The following ME3 variants were observed in gnomAD, a reference collection of about 807,000 sequenced individuals.
ME3 encodes NADP-dependent malic enzyme, mitochondrial.
A neutral mutation model predicts 68.9 loss-of-function variants in ME3; 48 were observed. That is an observed-to-expected ratio of 0.70 (90% CI 0.55 to 0.89). ME3 has a LOEUF of 0.89. Ranked by LOEUF, ME3 falls within the 40% of genes least tolerant of loss-of-function variation. ME3 has a pLI of 0.00. For synonymous variants in ME3, 320 were observed against 318.8 expected, an observed-to-expected ratio of 1.00 and a Z score of -0.04; for missense variants, 675 against 797.4, an observed-to-expected ratio of 0.85 and a Z score of 1.85.
chr11:86,671,450 C>G lies in ME3; in HGVS notation c.183+312G>C, dbSNP rs189016830. Among the ~76,000 whole-genome samples the G allele has an allele frequency of 2.6e-4, 39 of 152,274 alleles. No individual in the cohort carries two copies. The East Asian group carries it at 7.5e-3, about 29-fold the overall frequency. The stretch of plus-strand genomic sequence containing the variant: ...GTAGGTTAAATGAACTGCCCAAGAC[C>G]AATAAAATTAGTAAGCATCAAGGGG... On this transcript the variant is annotated intron_variant, in intron 2 of 14. Transcript: ENST00000543262.
intron 2 of ME3, among the ~76,000 whole-genome samples, chr11:86,645,957 C>T (rs192993463): frequency 2.4e-4 from 37 of 152,260 alleles, no homozygotes; most frequent in Middle Eastern, 6.8e-3. Flanking sequence ...TGCAGAAGAG[C>T]GACCTGACTG....
At chr11:86,570,906 G>A (rs959266018) in intron 2 of ME3, among the ~76,000 whole-genome samples, 1 of 152,194 alleles carries the variant, frequency 6.6e-6, no homozygotes, top group Non-Finnish European at 1.5e-5. Context: ...CAAAAGTTCT[G>A]CATTCAGTTC....
chr11:86,670,428 C>T (rs1361836628), intron 2 of ME3, among the ~76,000 whole-genome samples: 2 of 152,202 alleles, frequency 1.3e-5, no homozygotes, highest in Non-Finnish European at 2.9e-5. Context: ...TGCAACCCTT[C>T]CTCTAGATTC....
intron 4 of ME3, among the ~76,000 whole-genome samples, chr11:86,552,267 G>GGCCAA (rs1296062069): frequency 2.0e-5 from 3 of 152,204 alleles, no homozygotes; most frequent in Non-Finnish European, 4.4e-5. Flanking sequence ...TGAGATTCAA[G>GGCCAA]GCCAAGCCTG....
At chr11:86,582,658 A>G (rs960769376) in intron 2 of ME3, among the ~76,000 whole-genome samples, 1 of 152,186 alleles carries the variant, frequency 6.6e-6, no homozygotes, top group Non-Finnish European at 1.5e-5. Context: ...CTGCTACTTA[A>G]TGTAATTATC....
At chr11:86,503,690 A>G (rs545431002) in intron 5 of ME3, among the ~76,000 whole-genome samples, 2 of 152,368 alleles carry the variant, frequency 1.3e-5, no homozygotes, top group South Asian at 2.1e-4. Flanking sequence ...GGGCCAATGC[A>G]TGATAGGTAG....
At chr11:86,566,734 A>T (rs868475346) in intron 2 of ME3, among the ~76,000 whole-genome samples, 2 of 152,110 alleles carry the variant, frequency 1.3e-5, no homozygotes, top group South Asian at 4.1e-4. Flanking sequence ...TTAAACCAGG[A>T]TGCATTTTAT....
chr11:86,672,118 A>G (rs1395601526), intron 1 of ME3, 160 bp from the exon 2 acceptor site: 2 of 604,454 alleles, frequency 3.3e-6, no homozygotes, highest in South Asian at 4.4e-5. Context: ...CTCGGCTGCC[A>G]CCTGCTCGGC....
intron 2 of ME3, among the ~76,000 whole-genome samples, chr11:86,576,651 C>T: frequency 6.6e-6 from 1 of 152,176 alleles, no homozygotes; most frequent in East Asian, 1.9e-4. Flanking sequence ...AGCCCCTTCT[C>T]TCCTCTCTGG....
At chr11:86,603,112 C>G (rs941635698) in intron 2 of ME3, among the ~76,000 whole-genome samples, 8 of 152,172 alleles carry the variant, frequency 5.3e-5, no homozygotes, top group Non-Finnish European at 8.8e-5. Context: ...TCTAATTAAA[C>G]TAAAGAGCTT....
At chr11:86,541,459 C>A (rs922949904) in intron 4 of ME3, among the ~76,000 whole-genome samples, 1 of 152,072 alleles carries the variant, frequency 6.6e-6, no homozygotes, top group Non-Finnish European at 1.5e-5. Flanking sequence ...AGCTTGATGG[C>A]GGGAGGGGCA....
chr11:86,592,252 GGCT>G (rs528122318), intron 2 of ME3, among the ~76,000 whole-genome samples: 228 of 152,298 alleles, frequency 1.5e-3, no homozygotes, highest in African/African-American at 5.1e-3. Flanking sequence ...ATAACATCCA[GGCT>G]GCTGCTTTTT....
chr11:86,491,939 C>A (rs1049858696), intron 6 of ME3, among the ~76,000 whole-genome samples: 4 of 152,180 alleles, frequency 2.6e-5, no homozygotes, highest in Non-Finnish European at 5.9e-5. Context: ...AATCTGGTAA[C>A]CCTATCTACA....
intron 4 of ME3, among the ~76,000 whole-genome samples, chr11:86,547,720 A>G (rs1289181705): frequency 6.6e-6 from 1 of 152,208 alleles, no homozygotes; most frequent in Non-Finnish European, 1.5e-5. Context: ...CAAACAGAAC[A>G]TTTAGTGCAT....
At chr11:86,655,302 C>G (rs1286572402) in intron 2 of ME3, among the ~76,000 whole-genome samples, 1 of 152,062 alleles carries the variant, frequency 6.6e-6, no homozygotes. Context: ...CAATCCTAAG[C>G]CAAAAGAACA....
At chr11:86,493,146 C>T (rs553769947) in intron 6 of ME3, among the ~76,000 whole-genome samples, 2 of 152,280 alleles carry the variant, frequency 1.3e-5, no homozygotes, top group Admixed American at 6.5e-5. Context: ...GTAGAAGAAA[C>T]CCTGCAATAC....
At chr11:86,546,171 G>A (rs372308447) in intron 4 of ME3, among the ~76,000 whole-genome samples, 19 of 152,076 alleles carry the variant, frequency 1.2e-4, no homozygotes, top group East Asian at 5.8e-4. Context: ...TACTCAAGAT[G>A]GATTAAAGAC....
At chr11:86,646,466 A>G (rs1945020800) in intron 2 of ME3, among the ~76,000 whole-genome samples, 1 of 152,256 alleles carries the variant, frequency 6.6e-6, no homozygotes, top group Non-Finnish European at 1.5e-5. Flanking sequence ...CTGTAGATTA[A>G]CTTAGTAAAA....
intron 2 of ME3, among the ~76,000 whole-genome samples, chr11:86,662,691 C>A (rs552297124): frequency 8.5e-5 from 13 of 152,270 alleles, no homozygotes; most frequent in African/African-American, 3.1e-4. Context: ...AATGGGTTAA[C>A]ATATATAAAC....
Sources: allele counts gnomAD v4.1 joint callset (sites outside exome capture counted in the v4.1 genomes callset), GRCh38; gene constraint gnomAD v4.1.1; transcripts MANE v1.5; gene names NCBI Gene and HGNC (gene_info 2026-07-23, HGNC 2026-07-21).